MBNL1: variants seen among roughly 807,000 people sequenced by gnomAD.
The protein encoded by MBNL1 is muscleblind-like protein 1.
MBNL1 carries 8 observed loss-of-function variants against 42.2 expected under a neutral mutation model. That is an observed-to-expected ratio of 0.19 (90% CI 0.11 to 0.34). The LOEUF (loss-of-function observed/expected upper bound fraction) is 0.34. Ranked by LOEUF, MBNL1 falls within the 10% of genes least tolerant of loss-of-function variation. The pLI is 1.00. For missense variants in MBNL1, 309 were observed against 495.3 expected (o/e 0.62, Z 3.57); for synonymous variants, 169 against 173.9 (o/e 0.97, Z 0.22).
At chr3:152,431,212 A>G (rs893656674) in intron 3 of MBNL1, among the ~76,000 whole-genome samples, 13 of 152,170 alleles carry the variant, frequency 8.5e-5, no homozygotes, top group African/African-American at 2.7e-4. Context: ...ACTTAGCAGC[A>G]TCCCTGGCGT....
At chr3:152,454,929 T>G (rs759063438) in intron 6 of MBNL1, among the ~76,000 whole-genome samples, 1 of 152,220 alleles carries the variant, frequency 6.6e-6, no homozygotes, top group Non-Finnish European at 1.5e-5. Context: ...ATGTATAATT[T>G]ATTGCTTGGC....
chr3:152,318,799 A>G (rs2074115462), intron 2 of MBNL1, among the ~76,000 whole-genome samples: 1 of 152,162 alleles, frequency 6.6e-6, no homozygotes, highest in South Asian at 2.1e-4. Flanking sequence ...TGAAGAACAG[A>G]AGTAAAATCA....
At chr3:152,421,624 AC>A (rs1427630096) in intron 3 of MBNL1, among the ~76,000 whole-genome samples, 1 of 152,154 alleles carries the variant, frequency 6.6e-6, no homozygotes, top group African/African-American at 2.4e-5. Flanking sequence ...GAGAAGAGCA[AC>A]CCCAAGACAT....
intron 2 of MBNL1, among the ~76,000 whole-genome samples, chr3:152,307,058 C>T (rs1282270753): frequency 1.3e-5 from 2 of 151,430 alleles, no homozygotes; most frequent in East Asian, 1.9e-4. Flanking sequence ...GGTGTGATCT[C>T]GGCTCATTGT....
At chr3:152,389,500 G>A (rs938121018) in intron 2 of MBNL1, among the ~76,000 whole-genome samples, 2 of 152,104 alleles carry the variant, frequency 1.3e-5, no homozygotes, top group African/African-American at 2.4e-5. Context: ...ACACCTGGAC[G>A]ATATGGCCTC....
At position 152,465,572 on chromosome 3, in the gene MBNL1, A is replaced by G. The variant is rs745902475; in HGVS notation, c.*3206A>G. The G allele has an allele frequency of 2.0e-5, 3 of 152,644 alleles. No individual in the cohort carries two copies. Among genetic ancestry groups the G allele is most frequent in the Admixed American group, 6.5e-5 (1 of 15,284 alleles). 9.5% of individuals were successfully genotyped at this position (152,644 alleles called of 1,614,324 possible). A position where few individuals can be genotyped will look rare whatever the true frequency, so the allele number is the denominator to read the frequency against. The stretch of plus-strand genomic sequence containing the variant: ...AAATGTTGCACTTATCAGCAACCCT[A>G]CCACTTTCATCTGCTGAAAGGACAA... On this transcript the variant is annotated 3_prime_UTR_variant, in exon 10 of 10. Transcript: ENST00000324210.
intron 2 of MBNL1, among the ~76,000 whole-genome samples, chr3:152,321,442 C>A (rs192472299): frequency 6.6e-6 from 1 of 152,064 alleles, no homozygotes; most frequent in Admixed American, 6.6e-5. Context: ...TCTTTTTCTG[C>A]AAATAGGGTG....
intron 6 of MBNL1, among the ~76,000 whole-genome samples, chr3:152,450,793 A>AT (rs1487640706): frequency 6.6e-6 from 1 of 152,118 alleles, no homozygotes; most frequent in East Asian, 1.9e-4. Flanking sequence ...TGGTCTTATG[A>AT]TTTTTTCCCA....
At chr3:152,329,444 T>C (rs2152561980) in intron 2 of MBNL1, among the ~76,000 whole-genome samples, 1 of 151,396 alleles carries the variant, frequency 6.6e-6, no homozygotes, top group African/African-American at 2.4e-5. Context: ...CCAAGGAACA[T>C]AGTGAGACTC....
chr3:152,382,909 T>C (rs1472031648), intron 2 of MBNL1, among the ~76,000 whole-genome samples: 1 of 152,124 alleles, frequency 6.6e-6, no homozygotes, highest in African/African-American at 2.4e-5. Context: ...TTTTTCCATG[T>C]CTGCCAGTCA....
chr3:152,448,925 T>C (rs1161717329), intron 6 of MBNL1, among the ~76,000 whole-genome samples: 4 of 152,206 alleles, frequency 2.6e-5, no homozygotes, highest in South Asian at 2.1e-4. Flanking sequence ...TAAAATGATA[T>C]TTGTACTTGT....
chr3:152,375,288 A>C (rs2096849602), intron 2 of MBNL1, among the ~76,000 whole-genome samples: 1 of 152,220 alleles, frequency 6.6e-6, no homozygotes, highest in Non-Finnish European at 1.5e-5. Context: ...CTATTCTCAC[A>C]ATTAAGTGTG....
chr3:152,380,325 C>T (rs542317088), intron 2 of MBNL1, among the ~76,000 whole-genome samples: 9 of 152,172 alleles, frequency 5.9e-5, no homozygotes, highest in African/African-American at 9.6e-5. Flanking sequence ...GAATTTGACA[C>T]GCTCCTTATC....
chr3:152,378,337 T>G (rs1223594310), intron 2 of MBNL1, among the ~76,000 whole-genome samples: 1 of 152,124 alleles, frequency 6.6e-6, no homozygotes, highest in African/African-American at 2.4e-5. Context: ...CTATGTCTAT[T>G]TTTTTTAAAA....
chr3:152,369,696 T>C lies in MBNL1; in HGVS notation c.175-45245T>C, dbSNP rs1358036433. Among the ~76,000 whole-genome samples, 3 of 152,218 alleles carry C rather than the reference T, an allele frequency of 2.0e-5. No individual in the cohort carries two copies. The East Asian group carries it at 5.8e-4, about 29-fold the overall frequency. ...ACTGCTTCAATTTCAGAACTTGTTA[T>C]TGGTCTATTCAGGGATTTGACTTCT... On this transcript the variant is annotated intron_variant, in intron 2 of 9. Transcript: ENST00000324210.
At chr3:152,460,363 A>G (rs941626723) in intron 9 of MBNL1, among the ~76,000 whole-genome samples, 1 of 151,378 alleles carries the variant, frequency 6.6e-6, no homozygotes, top group Non-Finnish European at 1.5e-5. Flanking sequence ...ACTTTAAAGT[A>G]GTTACCTCAG....
intron 4 of MBNL1, 38 bp from the exon 5 acceptor site, chr3:152,445,244 C>A: frequency 6.4e-7 from 1 of 1,562,370 alleles, no homozygotes; most frequent in Non-Finnish European, 8.7e-7. Context: ...TCTTCTTCTT[C>A]ATGTTGACTA....
In MBNL1 at chr3:152,329,728, AT is replaced by A. The variant is rs1295301782; in HGVS notation, c.174+29362del. Reference sequence around the variant, plus strand: ...ATATATAATATATATGTCATATATAATATATAATATATATAAGAAATATATA... The same window carrying A: ...ATATATAATATATATGTCATATATAAATATAATATATATAAGAAATATATA... On this transcript the variant is annotated intron_variant, in intron 2 of 9. Transcript: ENST00000324210. 1.1e-4 allele frequency among the ~76,000 whole-genome samples: 16 copies of A among 146,678 alleles called. No homozygotes were observed. In the East Asian group the frequency reaches 2.9e-3, roughly 27 times the overall value.
chr3:152,354,055 A>T (rs144903028), intron 2 of MBNL1, among the ~76,000 whole-genome samples: 1 of 152,332 alleles, frequency 6.6e-6, no homozygotes, highest in East Asian at 1.9e-4. Context: ...TATAATCAAG[A>T]GTCAGGCATC....
Sources: gnomAD v4.1 joint callset for allele counts (sites outside exome capture counted in the v4.1 genomes callset) on GRCh38, gnomAD v4.1.1 for gene constraint, MANE v1.5 for transcripts, NCBI Gene and HGNC (gene_info 2026-07-23, HGNC 2026-07-21) for gene names.